The following WDR49 variants were observed in gnomAD, a reference collection of about 807,000 sequenced individuals.
WDR49 encodes the protein cilia- and flagella-associated protein 337.
In WDR49, 107 loss-of-function variants were observed where a neutral mutation model predicts 119.5. That is an observed-to-expected ratio of 0.90 (90% confidence interval 0.77 to 1.05). The LOEUF (loss-of-function observed/expected upper bound fraction) is 1.05, where lower values mean the gene tolerates loss of function less well. WDR49 is among the 50% of genes least tolerant of loss of function. WDR49 has a pLI of 0.00. For missense variants in WDR49, 1,240 were observed against 1,220.5 expected (o/e 1.02, Z -0.24); for synonymous variants, 425 against 418.8 (o/e 1.01, Z -0.18).
chr3:167,499,188 A>T (rs948882457), intron 18 of WDR49, among the ~76,000 whole-genome samples: 3 of 152,202 alleles, frequency 2.0e-5, no homozygotes, highest in Admixed American at 6.5e-5. Context: ...TAGAATTTCA[A>T]CAACAACAAA....
At chr3:167,632,796 A>G (rs777001409) in intron 2 of WDR49, among the ~76,000 whole-genome samples, 2 of 152,032 alleles carry the variant, frequency 1.3e-5, no homozygotes, top group Non-Finnish European at 2.9e-5. Flanking sequence ...CCTACTATAT[A>G]TATCATACAC....
At chr3:167,539,200 A>G (rs1219534170) in intron 10 of WDR49, among the ~76,000 whole-genome samples, 4 of 152,192 alleles carry the variant, frequency 2.6e-5, no homozygotes, top group African/African-American at 4.8e-5. Flanking sequence ...TGAATTTCAA[A>G]AAAAGAATTC....
chr3:167,486,889 C>A (rs190478347), intron 18 of WDR49, among the ~76,000 whole-genome samples: 7 of 152,206 alleles, frequency 4.6e-5, no homozygotes, highest in Admixed American at 3.3e-4. Context: ...ACCTAATTGA[C>A]AACTATAGAA....
chr3:167,507,165 A>T (rs1265599776), intron 16 of WDR49, among the ~76,000 whole-genome samples: 2 of 151,946 alleles, frequency 1.3e-5, no homozygotes, highest in Non-Finnish European at 2.9e-5. Context: ...TTAAGAGGGG[A>T]TGGGGGGGTA....
intron 8 of WDR49, among the ~76,000 whole-genome samples, chr3:167,565,380 T>TACACACAC (rs112641739): frequency 2.8e-4 from 36 of 129,020 alleles, no homozygotes; most frequent in African/African-American, 9.7e-4. Context: ...CATATCTATC[T>TACACACAC]ACACACACAC....
intron 2 of WDR49, among the ~76,000 whole-genome samples, chr3:167,630,876 A>G (rs1238685419): frequency 6.6e-6 from 1 of 152,124 alleles, no homozygotes; most frequent in African/African-American, 2.4e-5. Flanking sequence ...CATAGTCAAC[A>G]GCATCACAAC....
At chr3:167,630,794 A>G (rs1255621446) in intron 2 of WDR49, among the ~76,000 whole-genome samples, 1 of 152,100 alleles carries the variant, frequency 6.6e-6, no homozygotes, top group Non-Finnish European at 1.5e-5. Context: ...CTCACTGCAT[A>G]ATTTTGTTTT....
At chr3:167,482,505 TAA>T (rs35181099) in intron 18 of WDR49, among the ~76,000 whole-genome samples, 2 of 137,988 alleles carry the variant, frequency 1.4e-5, no homozygotes, top group African/African-American at 2.7e-5. Context: ...CCGTCTCTAC[TAA>T]AAAAAAAAAA....
At position 167,545,509 on chromosome 3, in the gene WDR49, T is replaced by TATATATATATATATA. The variant is rs535132359; in HGVS notation, c.1824-8510_1824-8509insTATATATATATATAT. On this transcript the variant is annotated intron_variant, in intron 10 of 18. Transcript: ENST00000682715. The stretch of plus-strand genomic sequence containing the variant: ...CCATATATATATTATATATTATATA[T>TATATATATATATATA]TATATATATATATATGCACCCTGGA... Among the ~76,000 whole-genome samples, 86 of 108,248 alleles carry TATATATATATATATA rather than the reference T, an allele frequency of 7.9e-4. 3 individuals are homozygous for TATATATATATATATA. Among genetic ancestry groups the TATATATATATATATA allele is most frequent in the Middle Eastern group, 4.6e-3 (1 of 216 alleles). 71.0% of individuals were successfully genotyped at this position (108,248 alleles called of 152,430 possible).
intron 2 of WDR49, among the ~76,000 whole-genome samples, chr3:167,640,838 A>C (rs572596046): frequency 1.5e-3 from 233 of 151,944 alleles, no homozygotes; most frequent in Non-Finnish European, 2.5e-3. Context: ...AAGATGGCAG[A>C]GGGTTGCATG....
chr3:167,627,877 GT>G (rs1717203836), intron 2 of WDR49, among the ~76,000 whole-genome samples: 1 of 152,004 alleles, frequency 6.6e-6, no homozygotes, highest in Non-Finnish European at 1.5e-5. Context: ...CAAATTGAAG[GT>G]TTGTGGCAAC....
chr3:167,582,031 C>CGTGTGTGTGTGT (rs57233824), intron 7 of WDR49, among the ~76,000 whole-genome samples: 156 of 142,418 alleles, frequency 1.1e-3, no homozygotes, highest in East Asian at 4.8e-3. Context: ...GGCATGCTTC[C>CGTGTGTGTGTGT]GTGTGTGTGT....
intron 5 of WDR49, among the ~76,000 whole-genome samples, chr3:167,618,119 C>T (rs1716690434): frequency 6.6e-6 from 1 of 152,084 alleles, no homozygotes; most frequent in African/African-American, 2.4e-5. Context: ...GCTCATGTTG[C>T]CCACGTTCTC....
At chr3:167,568,335 C>G (rs1473628145) in intron 8 of WDR49, among the ~76,000 whole-genome samples, 1 of 152,106 alleles carries the variant, frequency 6.6e-6, no homozygotes, top group African/African-American at 2.4e-5. Context: ...AGATATTTCA[C>G]CTTTCTTTTG....
chr3:167,626,814 T>C, intron 3 of WDR49, 38 bp downstream of exon 3: 1 of 1,230,606 alleles, frequency 8.1e-7, no homozygotes, highest in East Asian at 3.2e-5. Flanking sequence ...GTTTTCCCTC[T>C]TTTACAAGCA....
intron 9 of WDR49, among the ~76,000 whole-genome samples, chr3:167,557,454 T>G (rs1234382975): frequency 2.0e-5 from 3 of 152,178 alleles, no homozygotes; most frequent in African/African-American, 7.2e-5. Context: ...GAATAAGGAC[T>G]ATCTATGCAG....
At chr3:167,626,603 C>G (rs1405092857) in intron 3 of WDR49, among the ~76,000 whole-genome samples, 2 of 152,044 alleles carry the variant, frequency 1.3e-5, no homozygotes. Flanking sequence ...GTAAACTATA[C>G]AGGAGTAAAG....
At chr3:167,624,404 C>T (rs1362829698) in intron 3 of WDR49, among the ~76,000 whole-genome samples, 5 of 150,764 alleles carry the variant, frequency 3.3e-5, no homozygotes, top group South Asian at 2.1e-4. Context: ...TTATACAAAA[C>T]TCTAGAAAAT....
chr3:167,587,375 AAT>A lies in WDR49; in HGVS notation c.1276-11226_1276-11225del, dbSNP rs1463305958. On this transcript the variant is annotated intron_variant, in intron 7 of 18. Transcript: ENST00000682715. ...TTTTTTGATACTTTAGACTCAAAGT[AAT>A]ATGTCTTCACTTCAAGCTGTCAACA... Among the ~76,000 whole-genome samples the A allele has an allele frequency of 3.3e-5, 5 of 152,246 alleles. No individual in the cohort carries two copies. The South Asian group carries it at 8.3e-4, about 25-fold the overall frequency.
Sources: allele counts gnomAD v4.1 joint callset (sites outside exome capture counted in the v4.1 genomes callset), GRCh38; gene constraint gnomAD v4.1.1; transcripts MANE v1.5; gene names NCBI Gene and HGNC (gene_info 2026-07-23, HGNC 2026-07-21).